NRG3: variants seen among roughly 807,000 people sequenced by gnomAD.
NRG3 encodes the protein pro-neuregulin-3, membrane-bound isoform.
Under a neutral mutation model 66.9 loss-of-function variants are expected in NRG3, and 31 were observed. That is an observed-to-expected ratio of 0.46 (90% CI 0.35 to 0.63). NRG3 has a LOEUF of 0.63. Ranked by LOEUF, NRG3 falls within the 20% of genes least tolerant of loss-of-function variation. The pLI, the probability that NRG3 is intolerant of heterozygous loss-of-function variation, is 0.00. For missense variants in NRG3, 910 were observed against 878.9 expected, an observed-to-expected ratio of 1.04 and a Z score of -0.45; for synonymous variants, 393 against 359.4, an observed-to-expected ratio of 1.09 and a Z score of -1.06.
At chr10:82,647,427 C>G (rs2051032628) in intron 2 of NRG3, among the ~76,000 whole-genome samples, 1 of 152,066 alleles carries the variant, frequency 6.6e-6, no homozygotes, top group African/African-American at 2.4e-5. Flanking sequence ...GGTTTGGTTC[C>G]AAGTCTTTGC....
At chr10:81,961,172 AC>A (rs2133276182) in intron 1 of NRG3, among the ~76,000 whole-genome samples, 1 of 152,322 alleles carries the variant, frequency 6.6e-6, no homozygotes, top group African/African-American at 2.4e-5. Context: ...ATATGAATTA[AC>A]ATGTATAATT....
Position 82,714,264 on chromosome 10 carries a change from T to C in NRG3, c.954-24313T>C, listed in dbSNP as rs151056032. 1.0e-3 allele frequency among the ~76,000 whole-genome samples: 154 copies of C among 152,208 alleles called. No homozygotes were observed. The East Asian group carries it at 0.021, about 21-fold the overall frequency. On this transcript the variant is annotated intron_variant, in intron 2 of 8. Coordinates refer to ENST00000372141, the MANE Select transcript of NRG3 (RefSeq NM_001010848.4). ...ACACTTTATATCCACTCTCTTAGGATTTATCAAGAATACAATATATTAACT... is the reference window on the plus strand; with the variant it reads ...ACACTTTATATCCACTCTCTTAGGACTTATCAAGAATACAATATATTAACT...
chr10:82,357,157 A>AT (rs373025611), intron 1 of NRG3, among the ~76,000 whole-genome samples: 37 of 152,336 alleles, frequency 2.4e-4, no homozygotes, highest in African/African-American at 8.7e-4. Flanking sequence ...AGTTCTTGGT[A>AT]TTTTGGGGAA....
Position 82,951,544 on chromosome 10 carries a change from T to A in NRG3, c.1130T>A (p.Phe377Tyr), listed in dbSNP as rs1170526095. 1.2e-6 allele frequency: 2 copies of A among 1,613,958 alleles called. No individual in the cohort carries two copies. Residue 377 changes from phenylalanine to tyrosine, a missense_variant, in exon 5 of 9, where the codon TTC (phenylalanine) becomes TAC (tyrosine). Phe to Tyr is a conservative substitution (Grantham distance 22). Transcript: ENST00000372141. The part of the protein sequence containing the change: ...IIFGIVIVGM[F>Y]CAAFYFKSKK... Reference sequence around the variant, plus strand: ...TTTGGAATTGTCATCGTGGGCATGTTCTGTGCAGCATTCTACTTCAAAAGC... The same window carrying A: ...TTTGGAATTGTCATCGTGGGCATGTACTGTGCAGCATTCTACTTCAAAAGC...
chr10:81,978,885 A>T (rs966521303), intron 1 of NRG3, among the ~76,000 whole-genome samples: 2 of 152,074 alleles, frequency 1.3e-5, no homozygotes, highest in African/African-American at 4.8e-5. Flanking sequence ...GCATCTAGCC[A>T]TAATGTATTT....
chr10:82,808,054 A>G (rs542044914), intron 3 of NRG3, among the ~76,000 whole-genome samples: 11 of 152,120 alleles, frequency 7.2e-5, no homozygotes, highest in Non-Finnish European at 1.5e-4. Flanking sequence ...GGGTAGATGT[A>G]TCTGGTGTTA....
At chr10:81,946,836 C>G (rs914855456) in intron 1 of NRG3, among the ~76,000 whole-genome samples, 3 of 152,144 alleles carry the variant, frequency 2.0e-5, no homozygotes, top group Admixed American at 6.6e-5. Flanking sequence ...TCTTGCAGTT[C>G]AACAGGCCAA....
In NRG3 at chr10:82,225,246, A is replaced by G. The variant is rs932286886; in HGVS notation, c.824-133493A>G. Among the ~76,000 whole-genome samples the G allele has an allele frequency of 2.0e-5, 3 of 152,322 alleles. No individual in the cohort carries two copies. In the East Asian group the frequency reaches 5.8e-4, roughly 29 times the overall value. ...TCTAACTACGGTATTAACACCTAAA[A>G]TCAGTTGAATATCATTTGCAAGGAA... On this transcript the variant is annotated intron_variant, in intron 1 of 8. Transcript: ENST00000372141.
chr10:82,321,720 G>A (rs1328234730), intron 1 of NRG3, among the ~76,000 whole-genome samples: 4 of 152,218 alleles, frequency 2.6e-5, no homozygotes, highest in African/African-American at 9.6e-5. Context: ...TGTATGCATA[G>A]CTCATATAAG....
chr10:82,804,004 T>G (rs2061168492), intron 3 of NRG3, among the ~76,000 whole-genome samples: 1 of 152,188 alleles, frequency 6.6e-6, no homozygotes, highest in Non-Finnish European at 1.5e-5. Context: ...CTTTGTCCCT[T>G]TGTCCAGCAC....
intron 1 of NRG3, among the ~76,000 whole-genome samples, chr10:82,064,334 A>G (rs545891717): frequency 6.6e-6 from 1 of 152,114 alleles, no homozygotes; most frequent in South Asian, 2.1e-4. Flanking sequence ...TATACTAACT[A>G]AAGGTAATCA....
intron 1 of NRG3, among the ~76,000 whole-genome samples, chr10:82,113,219 C>G (rs1446643034): frequency 1.3e-5 from 2 of 152,098 alleles, no homozygotes; most frequent in Admixed American, 6.6e-5. Flanking sequence ...CACAACAACC[C>G]TATGGAGATG....
chr10:82,669,366 A>T (rs2053069997), intron 2 of NRG3, among the ~76,000 whole-genome samples: 1 of 151,876 alleles, frequency 6.6e-6, no homozygotes, highest in African/African-American at 2.4e-5. Context: ...GGCAATGCGC[A>T]GTTTTCTAAA....
At chr10:82,760,795 A>G (rs1380339563) in intron 3 of NRG3, among the ~76,000 whole-genome samples, 1 of 152,084 alleles carries the variant, frequency 6.6e-6, no homozygotes, top group Non-Finnish European at 1.5e-5. Context: ...TAATTTTAAC[A>G]GATTTTTTAA....
intron 1 of NRG3, among the ~76,000 whole-genome samples, chr10:81,888,296 A>T (rs12245305): frequency 0.059 from 8,990 of 152,212 alleles, 564 homozygotes; most frequent in East Asian, 0.19. Flanking sequence ...TTTCACTCAT[A>T]TCAGGAGTGT....
chr10:82,297,657 A>G (rs1308377088), intron 1 of NRG3, among the ~76,000 whole-genome samples: 11 of 152,128 alleles, frequency 7.2e-5, no homozygotes, highest in African/African-American at 2.7e-4. Context: ...TACAGGTGAA[A>G]ACTCTTTGAG....
At chr10:82,070,200 C>G (rs1408592961) in intron 1 of NRG3, among the ~76,000 whole-genome samples, 2 of 152,126 alleles carry the variant, frequency 1.3e-5, no homozygotes, top group East Asian at 3.9e-4. Context: ...ATCTCCCTGT[C>G]TCCCCTCCTA....
intron 3 of NRG3, among the ~76,000 whole-genome samples, chr10:82,828,593 G>A (rs12777059): frequency 0.14 from 20,826 of 152,146 alleles, 1,431 homozygotes; most frequent in South Asian, 0.2. Context: ...AAGTCTTGCA[G>A]TTACAAGAAT....
intron 3 of NRG3, among the ~76,000 whole-genome samples, chr10:82,861,763 A>G (rs2064142032): frequency 6.6e-6 from 1 of 152,112 alleles, no homozygotes; most frequent in Non-Finnish European, 1.5e-5. Flanking sequence ...AGACTTTCTA[A>G]TTACCCTCTC....
Sources: allele counts gnomAD v4.1 joint callset (sites outside exome capture counted in the v4.1 genomes callset), GRCh38; gene constraint gnomAD v4.1.1; transcripts MANE v1.5; gene names NCBI Gene and HGNC (gene_info 2026-07-23, HGNC 2026-07-21).